The following ITFG1 variants were observed in gnomAD, a reference collection of about 807,000 sequenced individuals.
ITFG1 encodes T-cell immunomodulatory protein.
In ITFG1, 34 loss-of-function variants were observed where a neutral mutation model predicts 81.8. That is an observed-to-expected ratio of 0.42 (90% CI 0.32 to 0.55). ITFG1 has a LOEUF of 0.55. Among genes scored for constraint, ITFG1 ranks in the 20% least tolerant of loss-of-function variants. The pLI is 0.17. For synonymous variants in ITFG1, 285 were observed against 270.6 expected, an observed-to-expected ratio of 1.05 and a Z score of -0.52; for missense variants, 672 against 755.4, an observed-to-expected ratio of 0.89 and a Z score of 1.29.
chr16:47,350,096 C>T (rs1291166486), intron 8 of ITFG1, among the ~76,000 whole-genome samples: 1 of 152,090 alleles, frequency 6.6e-6, no homozygotes, highest in Admixed American at 6.5e-5. Context: ...GCACTAAATG[C>T]CCACAAGAGA....
intron 6 of ITFG1, among the ~76,000 whole-genome samples, chr16:47,379,692 A>C (rs1968371659): frequency 1.3e-5 from 2 of 151,672 alleles, no homozygotes; most frequent in South Asian, 2.1e-4. Flanking sequence ...CCATCTCAAA[A>C]AAAAAAAAAA....
At position 47,306,848 on chromosome 16, in the gene ITFG1, A is replaced by G. The variant is rs571152422; in HGVS notation, c.1070+4392T>C. Among the ~76,000 whole-genome samples the G allele has an allele frequency of 5.8e-3, 882 of 152,012 alleles. 3 individuals carry two copies. The highest frequency in any genetic ancestry group is 0.011 in the Non-Finnish European group (720 of 67,940). ...GGTGGCTCACGCCTGTAATCCCAGCACTTTGGGAGGCCTAGGCGGGTGGAT... is the reference window on the plus strand; with the variant it reads ...GGTGGCTCACGCCTGTAATCCCAGCGCTTTGGGAGGCCTAGGCGGGTGGAT... On this transcript the variant is annotated intron_variant, in intron 10 of 17. Coordinates refer to ENST00000320640, the MANE Select transcript of ITFG1 (RefSeq NM_030790.5).
chr16:47,341,127 C>T (rs886191276), intron 8 of ITFG1, among the ~76,000 whole-genome samples: 1 of 151,784 alleles, frequency 6.6e-6, no homozygotes, highest in Non-Finnish European at 1.5e-5. Flanking sequence ...TGAGAAAGTA[C>T]TTAAAAGCCA....
intron 8 of ITFG1, among the ~76,000 whole-genome samples, chr16:47,343,500 T>G (rs1222877924): frequency 6.6e-6 from 1 of 151,786 alleles, no homozygotes; most frequent in African/African-American, 2.4e-5. Context: ...ACTTGAAAAA[T>G]TCAATAATAA....
rs1964897791 is a variant in ITFG1, at chr16:47,166,909, C to A, written c.1454-4245G>T. On this transcript the variant is annotated intron_variant, in intron 14 of 17. Coordinates refer to ENST00000320640, the MANE Select transcript of ITFG1 (RefSeq NM_030790.5). ...AGAGGGTTGCATCACTTTACATTTC[C>A]ATTAGCTTTCAATGAAAGCATCCAT... 2.0e-5 allele frequency among the ~76,000 whole-genome samples: 3 copies of A among 152,082 alleles called. No individual in the cohort carries two copies. In the South Asian group the frequency reaches 6.2e-4, roughly 32 times the overall value.
chr16:47,196,132 C>T (rs1965354576), intron 14 of ITFG1, among the ~76,000 whole-genome samples: 1 of 151,176 alleles, frequency 6.6e-6, no homozygotes, highest in Non-Finnish European at 1.5e-5. Flanking sequence ...GTATTTTTTC[C>T]TCTAGCTTAT....
intron 14 of ITFG1, among the ~76,000 whole-genome samples, chr16:47,193,373 T>G (rs1457910088): frequency 6.6e-6 from 1 of 152,132 alleles, no homozygotes; most frequent in African/African-American, 2.4e-5. Flanking sequence ...TAATTTTCGT[T>G]TCTTCTGTTT....
chr16:47,439,536 T>A (rs1354505328), intron 5 of ITFG1, among the ~76,000 whole-genome samples: 4 of 152,224 alleles, frequency 2.6e-5, no homozygotes, highest in Admixed American at 2.6e-4. Context: ...ATATTCAACA[T>A]TCTTAAAGAA....
At chr16:47,389,118 T>A (rs1044858757) in intron 6 of ITFG1, among the ~76,000 whole-genome samples, 2 of 152,310 alleles carry the variant, frequency 1.3e-5, no homozygotes, top group Admixed American at 1.3e-4. Context: ...GGTGATCACC[T>A]TAATTTAATA....
intron 14 of ITFG1, among the ~76,000 whole-genome samples, chr16:47,172,420 G>A (rs1490744428): frequency 4.6e-5 from 7 of 152,126 alleles, no homozygotes; most frequent in South Asian, 2.1e-4. Context: ...CCTGGGAGGC[G>A]CAGGTTGCAG....
At chr16:47,236,903 C>G (rs1475400618) in intron 13 of ITFG1, among the ~76,000 whole-genome samples, 2 of 152,206 alleles carry the variant, frequency 1.3e-5, no homozygotes, top group East Asian at 3.8e-4. Flanking sequence ...GGGTTCCTAC[C>G]TGGAGATTGT....
intron 8 of ITFG1, among the ~76,000 whole-genome samples, chr16:47,350,929 T>C (rs1180125864): frequency 1.3e-5 from 2 of 152,122 alleles, no homozygotes; most frequent in Non-Finnish European, 2.9e-5. Flanking sequence ...TCAATAAACA[T>C]AACCCAGCAT....
At chr16:47,299,070 G>T (rs1967031107) in intron 10 of ITFG1, among the ~76,000 whole-genome samples, 1 of 152,100 alleles carries the variant, frequency 6.6e-6, no homozygotes. Context: ...TGAGGTCTCC[G>T]CTTGGGGAGT....
chr16:47,168,901 A>G (rs1238823249), intron 14 of ITFG1, among the ~76,000 whole-genome samples: 1 of 152,032 alleles, frequency 6.6e-6, no homozygotes, highest in Non-Finnish European at 1.5e-5. Flanking sequence ...TATATGAGTT[A>G]ATTATTTTAT....
Position 47,452,802 on chromosome 16 carries a change from A to G in ITFG1, c.428-12T>C. On this transcript the variant is annotated splice_polypyrimidine_tract_variant and intron_variant, in intron 3 of 17. Transcript: ENST00000320640. Reference sequence around the variant, plus strand: ...CATATTGTTAGGATCTGCAAAAAAGATATATATATATATGAATTAGCAGGC... The same window carrying G: ...CATATTGTTAGGATCTGCAAAAAAGGTATATATATATATGAATTAGCAGGC... 1 of 1,138,854 alleles carries G rather than the reference A, an allele frequency of 8.8e-7. No individual in the cohort carries two copies. Among genetic ancestry groups the G allele is most frequent in the Non-Finnish European group, 1.2e-6 (1 of 815,434 alleles). The allele number at this position is 1,138,854 out of a possible 1,614,324, so 70.5% of individuals were successfully genotyped here. A position where few individuals can be genotyped will look rare whatever the true frequency, so the allele number is the denominator to read the frequency against.
chr16:47,166,678 CTA>C (rs1964893212), intron 14 of ITFG1, among the ~76,000 whole-genome samples: 1 of 151,890 alleles, frequency 6.6e-6, no homozygotes, highest in Non-Finnish European at 1.5e-5. Context: ...ATTTTCCTGC[CTA>C]TATCTTATTT....
rs1355229240 is a variant in ITFG1, at chr16:47,400,119, T to C, written c.656-24179A>G. ...CAGCTGGTCAGTGGTAGAATCAGGA[T>C]TGGCATCCAGATCCACCTGACCCCA... On this transcript the variant is annotated intron_variant, in intron 6 of 17. Coordinates refer to ENST00000320640, the MANE Select transcript of ITFG1 (RefSeq NM_030790.5). Among the ~76,000 whole-genome samples the C allele has an allele frequency of 2.0e-5, 3 of 152,204 alleles. 1 individual carries two copies. The highest frequency in any genetic ancestry group is 4.1e-4 in the South Asian group (2 of 4,834).
intron 10 of ITFG1, among the ~76,000 whole-genome samples, chr16:47,290,410 G>A (rs1399278821): frequency 1.3e-5 from 2 of 152,128 alleles, no homozygotes; most frequent in African/African-American, 4.8e-5. Flanking sequence ...AGTGGTTACT[G>A]ACGTCTCCAT....
At chr16:47,231,975 T>G (rs953431157) in intron 13 of ITFG1, among the ~76,000 whole-genome samples, 1 of 152,172 alleles carries the variant, frequency 6.6e-6, no homozygotes, top group East Asian at 1.9e-4. Context: ...CAGTATGCAT[T>G]AGTGCCAGTG....
Sources: allele counts gnomAD v4.1 joint callset (sites outside exome capture counted in the v4.1 genomes callset), GRCh38; gene constraint gnomAD v4.1.1; transcripts MANE v1.5; gene names NCBI Gene and HGNC (gene_info 2026-07-23, HGNC 2026-07-21).